Variants in TBXAS1 observed in about 807,000 individuals in gnomAD.
TBXAS1 encodes thromboxane A synthase 1, also known as thromboxane-A synthase.
In TBXAS1, 48 loss-of-function variants were observed where a neutral mutation model predicts 60.7. That is an observed-to-expected ratio of 0.79 (90% CI 0.63 to 1.01). The LOEUF (loss-of-function observed/expected upper bound fraction) is 1.01. Among genes scored for constraint, TBXAS1 ranks in the 50% least tolerant of loss-of-function variants. The pLI is 0.00. For missense variants in TBXAS1, 685 were observed against 686.3 expected (o/e 1.00, Z 0.02); for synonymous variants, 287 against 269.7 (o/e 1.06, Z -0.63).
chr7:139,913,310 G>C, intron 4 of TBXAS1: 1 of 595,128 alleles, frequency 1.7e-6, no homozygotes, highest in Non-Finnish European at 3.1e-6. Context: ...GCTGTAGCTT[G>C]TTGCTCCATC....
chr7:139,840,932 A>C (rs1401854083), intron 1 of TBXAS1, among the ~76,000 whole-genome samples: 8 of 152,184 alleles, frequency 5.3e-5, no homozygotes, highest in Non-Finnish European at 1.0e-4. Flanking sequence ...AAGGCCACCG[A>C]GTGCCTTCCC....
At chr7:139,954,040 C>A (rs1809644093) in intron 6 of TBXAS1, among the ~76,000 whole-genome samples, 1 of 151,566 alleles carries the variant, frequency 6.6e-6, no homozygotes, top group African/African-American at 2.4e-5. Flanking sequence ...CATCAGCTAT[C>A]GTTAGTGTTA....
intron 9 of TBXAS1, among the ~76,000 whole-genome samples, chr7:139,980,180 C>T (rs182454500): frequency 6.6e-6 from 1 of 152,262 alleles, no homozygotes; most frequent in Non-Finnish European, 1.5e-5. Context: ...AAATCCTGCT[C>T]ATTGCGGGCA....
chr7:139,951,882 A>AGAAG lies in TBXAS1; in HGVS notation c.451-1470_451-1467dup, dbSNP rs1314622941. 4.2e-4 allele frequency among the ~76,000 whole-genome samples: 21 copies of AGAAG among 50,284 alleles called. 2 individuals carry two copies. Among genetic ancestry groups the AGAAG allele is most frequent in the African/African-American group, 9.2e-4 (10 of 10,890 alleles). The allele number at this position is 50,284 out of a possible 152,430, so 33.0% of individuals were successfully genotyped here. ...AGGAAAGAAGGAAGGAAGGAAGGAA[A>AGAAG]GAAGGAAGGAAGGAAGGAAAGAAAG... On this transcript the variant is annotated intron_variant, in intron 5 of 12. Transcript: ENST00000448866.
At chr7:139,953,210 T>C (rs1809551527) in intron 5 of TBXAS1, among the ~76,000 whole-genome samples, 158 bp from the exon 6 acceptor site, 1 of 152,262 alleles carries the variant, frequency 6.6e-6, no homozygotes, top group Non-Finnish European at 1.5e-5. Context: ...TATTTGTGAA[T>C]TTTAGGATCT....
At position 140,007,189 on chromosome 7, in the gene TBXAS1, G is replaced by A. The variant is rs760954211; in HGVS notation, c.1226+7G>A. 19 of 1,613,940 alleles carry A rather than the reference G, an allele frequency of 1.2e-5. No individual in the cohort carries two copies. Among genetic ancestry groups the A allele is most frequent in the South Asian group, 2.2e-5 (2 of 91,080 alleles). ...TGTACCCGCCAGCTTTCAGGTGTGT[G>A]GTAGCCCCCTCCCCTGCCCGAGTCC... On this transcript the variant is annotated splice_region_variant and intron_variant, in intron 10 of 12. Transcript: ENST00000448866.
At position 140,013,766 on chromosome 7, in the gene TBXAS1, G is replaced by A. The variant is rs1039887970; in HGVS notation, c.1227-1957G>A. Among the ~76,000 whole-genome samples, 1 of 152,214 alleles carries A rather than the reference G, an allele frequency of 6.6e-6. No homozygotes were observed. Among genetic ancestry groups the A allele is most frequent in the African/African-American group, 2.4e-5 (1 of 41,452 alleles). On this transcript the variant is annotated intron_variant, in intron 10 of 12. Transcript: ENST00000448866. The surrounding 1 kb of genome is among the most constrained non-coding windows in gnomAD (Gnocchi z 4.2). The stretch of plus-strand genomic sequence containing the variant: ...CTCAGCCCTGAAGGCAGCTTGACCA[G>A]GCAAACCTGGAGACTGCATCAACAC...
In TBXAS1 at chr7:139,999,551, C is replaced by T. The variant is rs1256265181; in HGVS notation, c.1135-7540C>T. Among the ~76,000 whole-genome samples, 1 of 152,194 alleles carries T rather than the reference C, an allele frequency of 6.6e-6. No homozygotes were observed. Among genetic ancestry groups the T allele is most frequent in the Non-Finnish European group, 1.5e-5 (1 of 68,034 alleles). On this transcript the variant is annotated intron_variant, in intron 9 of 12. Coordinates refer to ENST00000448866, the MANE Select transcript of TBXAS1 (RefSeq NM_001061.7). This position sits in a 1 kb window ranked among gnomAD's most constrained non-coding sequence, Gnocchi z 4.3. ...AAAAACCAGTTGCAAGGGTGAGGGG[C>T]TTTGCCTCTGGTTTATGGTCAGAAG...
intron 9 of TBXAS1, among the ~76,000 whole-genome samples, chr7:139,964,304 C>T (rs563099937): frequency 1.4e-4 from 22 of 152,286 alleles, no homozygotes; most frequent in Middle Eastern, 3.4e-3. Context: ...AGGCTGGTCT[C>T]GAACTCCCAA....
At chr7:139,820,903 T>C (rs995422140) in intron 4 of TBXAS1, among the ~76,000 whole-genome samples, 1 of 152,156 alleles carries the variant, frequency 6.6e-6, no homozygotes, top group African/African-American at 2.4e-5. Flanking sequence ...ATGGAGCTGA[T>C]ATTTGGGTGG....
intron 3 of TBXAS1, among the ~76,000 whole-genome samples, chr7:139,881,155 T>C (rs1444566099): frequency 6.6e-6 from 1 of 152,268 alleles, no homozygotes; most frequent in African/African-American, 2.4e-5. Flanking sequence ...AGAAGCTCTT[T>C]GCATATTAAA....
chr7:139,935,509 G>A (rs551950621), intron 4 of TBXAS1, among the ~76,000 whole-genome samples: 1 of 152,230 alleles, frequency 6.6e-6, no homozygotes, highest in Admixed American at 6.5e-5. Flanking sequence ...CGAGGTTCTT[G>A]GGGTCAGGAT....
At chr7:139,782,404 G>A (rs1236025144) in intron 2 of TBXAS1, 1 of 151,896 alleles carries the variant, frequency 6.6e-6, no homozygotes, top group Non-Finnish European at 1.5e-5. Flanking sequence ...GAGTGAACAT[G>A]GGGGAGCTTT....
At chr7:139,787,063 A>G (rs1797222755) in intron 3 of TBXAS1, among the ~76,000 whole-genome samples, 2 of 152,210 alleles carry the variant, frequency 1.3e-5, no homozygotes, top group Admixed American at 6.5e-5. Flanking sequence ...GGAAGAATTT[A>G]GTTTTGTGAT....
intron 4 of TBXAS1, among the ~76,000 whole-genome samples, chr7:139,805,736 T>C (rs60607921): frequency 0.086 from 8,418 of 97,494 alleles, 633 homozygotes; most frequent in African/African-American, 0.24. Flanking sequence ...CTCTCTTTCT[T>C]TCTTTCTTTC....
intron 9 of TBXAS1, among the ~76,000 whole-genome samples, chr7:139,998,325 T>G (rs995128183): frequency 6.6e-6 from 1 of 152,190 alleles, no homozygotes. Flanking sequence ...CATTGAGCTC[T>G]AAGTTTGTGT....
chr7:139,876,770 G>C (rs1569505943), intron 3 of TBXAS1, among the ~76,000 whole-genome samples: 1 of 152,114 alleles, frequency 6.6e-6, no homozygotes. Flanking sequence ...CTGCATAATG[G>C]ACTACCCCAA....
rs779114003 is a variant in TBXAS1 at position 139,961,975 on chromosome 7, G to A, written c.876G>A (p.Met292Ile). ...VLDARHSASP[M>I]GVQDFDIVRD... ...ATGCCCGACATTCTGCAAGTCCCAT[G>A]GGCGTGCAAGACTTTGACATCGTCA... Residue 292 changes from methionine to isoleucine, a missense_variant, in exon 9 of 13, where the codon ATG (methionine) becomes ATA (isoleucine). Physicochemically the swap from Met to Ile is conservative, Grantham distance 10. Coordinates refer to ENST00000448866, the MANE Select transcript of TBXAS1 (RefSeq NM_001061.7). 21 of 1,614,236 alleles carry A rather than the reference G, an allele frequency of 1.3e-5. No homozygotes were observed. The South Asian group carries it at 2.3e-4, about 18-fold the overall frequency.
chr7:139,854,821 G>A (rs145390758), intron 1 of TBXAS1, among the ~76,000 whole-genome samples: 2 of 152,304 alleles, frequency 1.3e-5, no homozygotes, highest in East Asian at 3.9e-4. Context: ...CAAGTCCAAG[G>A]TAAACCCTTA....
Sources: gnomAD v4.1 joint callset for allele counts (sites outside exome capture counted in the v4.1 genomes callset) on GRCh38, gnomAD v4.1.1 for gene constraint, Gnocchi (gnomAD v3.1) non-coding constraint, MANE v1.5 for transcripts, NCBI Gene and HGNC (gene_info 2026-07-23, HGNC 2026-07-21) for gene names.